RFX3: variants seen among roughly 807,000 people sequenced by gnomAD.
The protein encoded by RFX3 is regulatory factor X3.
Under a neutral mutation model 98.6 loss-of-function variants are expected in RFX3, and 14 were observed. The observed-to-expected ratio is 0.14, with a 90% confidence interval of 0.09 to 0.22. The LOEUF is 0.22. Ranked by LOEUF, RFX3 falls within the 10% of genes least tolerant of loss-of-function variation. The probability of loss-of-function intolerance (pLI) is 1.00; values close to 1 mark genes in which losing one functional copy is unlikely to be tolerated. For missense variants in RFX3, 639 were observed against 926.9 expected (o/e 0.69, Z 4.03); for synonymous variants, 383 against 328.4 (o/e 1.17, Z -1.80).
At chr9:3,489,518 C>G (rs1465345310) in intron 1 of RFX3, 1 of 525,154 alleles carries the variant, frequency 1.9e-6, no homozygotes, top group Non-Finnish European at 2.4e-6. Context: ...AGTATATTAA[C>G]CAATTACTCT....
At chr9:3,477,075 T>A in intron 1 of RFX3, among the ~76,000 whole-genome samples, 1 of 152,188 alleles carries the variant, frequency 6.6e-6, no homozygotes, top group Non-Finnish European at 1.5e-5. Flanking sequence ...TTCAGTATAA[T>A]TTTTGTTCTA....
chr9:3,502,783 G>C (rs577983225), intron 1 of RFX3, among the ~76,000 whole-genome samples: 220 of 152,194 alleles, frequency 1.4e-3, no homozygotes, highest in African/African-American at 5.2e-3. Flanking sequence ...GTGAATGTTA[G>C]CCCTGAGTCA....
chr9:3,262,945 G>C lies in RFX3; in HGVS notation c.1595C>G (p.Ala532Gly), dbSNP rs1823115572. 1 of 1,613,354 alleles carries C rather than the reference G, an allele frequency of 6.2e-7. No individual in the cohort carries two copies. Among genetic ancestry groups the C allele is most frequent in the Non-Finnish European group, 8.5e-7 (1 of 1,179,532 alleles). Residue 532 changes from alanine (A) to glycine (G), a missense_variant, in exon 13 of 17, where the codon GCC (alanine) becomes GGC (glycine). Physicochemically the swap from Ala to Gly is moderately conservative, Grantham distance 60. Coordinates refer to ENST00000617270, the MANE Select transcript of RFX3 (RefSeq NM_001282116.2). ...MLSDLNRVDF[A>G]NVQEQASWVC... ...AAGGAAATAGAATACCTGGACATTG[G>C]CAAAGTCGACACGGTTGAGGTCACT...
chr9:3,258,394 C>A (rs185658270), intron 13 of RFX3, among the ~76,000 whole-genome samples: 14 of 152,220 alleles, frequency 9.2e-5, no homozygotes, highest in African/African-American at 2.9e-4. Context: ...TCCATTATCT[C>A]CATCTTCTAG....
At chr9:3,329,317 A>T (rs1466340655) in intron 4 of RFX3, among the ~76,000 whole-genome samples, 1 of 149,698 alleles carries the variant, frequency 6.7e-6, no homozygotes, top group African/African-American at 2.5e-5. Flanking sequence ...CTGAGGCAGG[A>T]GAATCACTTG....
intron 12 of RFX3, 61 bp from the exon 13 acceptor site, chr9:3,263,145 T>A: frequency 6.4e-7 from 1 of 1,554,060 alleles, no homozygotes; most frequent in Non-Finnish European, 8.8e-7. Flanking sequence ...ACCACTGCAA[T>A]TTTCAAATCT....
intron 3 of RFX3, among the ~76,000 whole-genome samples, chr9:3,335,960 T>C (rs1833129100): frequency 6.6e-6 from 1 of 152,194 alleles, no homozygotes; most frequent in African/African-American, 2.4e-5. Flanking sequence ...TAACCAGTTT[T>C]TTTCTGTTTT....
intron 1 of RFX3, among the ~76,000 whole-genome samples, chr9:3,499,645 C>T (rs1278351375): frequency 6.6e-6 from 1 of 152,006 alleles, no homozygotes; most frequent in Non-Finnish European, 1.5e-5. Flanking sequence ...TAAGGGACAG[C>T]TTCTGATTCC....
chr9:3,307,206 C>G (rs1462045825), intron 4 of RFX3, among the ~76,000 whole-genome samples: 6 of 152,040 alleles, frequency 3.9e-5, no homozygotes, highest in Admixed American at 3.9e-4. Flanking sequence ...ATTGCCCAGT[C>G]TCGTGTATGT....
At chr9:3,330,204 G>T in intron 4 of RFX3, 55 bp downstream of exon 4, 14 of 1,567,946 alleles carry the variant, frequency 8.9e-6, no homozygotes, top group Non-Finnish European at 1.2e-5. Flanking sequence ...CAAAGGAAAT[G>T]TTCATTAGAG....
chr9:3,400,869 A>C (rs1175633564), intron 1 of RFX3, among the ~76,000 whole-genome samples: 1 of 152,216 alleles, frequency 6.6e-6, no homozygotes, highest in Non-Finnish European at 1.5e-5. Context: ...AAATGGATTA[A>C]ATAACTTGCC....
intron 1 of RFX3, among the ~76,000 whole-genome samples, chr9:3,507,701 G>A (rs978795945): frequency 6.6e-6 from 1 of 151,748 alleles, no homozygotes; most frequent in African/African-American, 2.4e-5. Context: ...ACATCCTCCC[G>A]TGTATACTTT....
At chr9:3,248,214 G>T in intron 14 of RFX3, 29 bp from the exon 15 acceptor site, 1 of 1,560,424 alleles carries the variant, frequency 6.4e-7, no homozygotes, top group Non-Finnish European at 8.7e-7. Context: ...CAAATATGCA[G>T]CTAACATTAG....
chr9:3,478,134 GGC>G, intron 1 of RFX3, among the ~76,000 whole-genome samples: 1 of 152,016 alleles, frequency 6.6e-6, no homozygotes, highest in South Asian at 2.1e-4. Context: ...CTAAAATCTA[GGC>G]TCCCACAGGG....
At chr9:3,522,556 C>T (rs201228548) in intron 1 of RFX3, among the ~76,000 whole-genome samples, 33 of 145,380 alleles carry the variant, frequency 2.3e-4, no homozygotes, top group Middle Eastern at 3.7e-3. Flanking sequence ...AGTGTGTGTG[C>T]GTGTGTGTGT....
chr9:3,381,739 G>T (rs1218524142), intron 2 of RFX3, among the ~76,000 whole-genome samples: 1 of 151,864 alleles, frequency 6.6e-6, no homozygotes, highest in East Asian at 1.9e-4. Context: ...GATCTAACAG[G>T]ATCCAAAGCT....
chr9:3,394,570 C>T (rs1840661523), intron 2 of RFX3, among the ~76,000 whole-genome samples: 1 of 152,226 alleles, frequency 6.6e-6, no homozygotes. Flanking sequence ...CAACCCAATT[C>T]TATATCCTGT....
chr9:3,271,778 C>G (rs2131351189), intron 9 of RFX3, among the ~76,000 whole-genome samples: 1 of 152,272 alleles, frequency 6.6e-6, no homozygotes, highest in Middle Eastern at 3.4e-3. Context: ...TTAGCTTTGT[C>G]TAAGGCAGCT....
intron 13 of RFX3, among the ~76,000 whole-genome samples, chr9:3,260,662 A>AT (rs1233871686): frequency 6.6e-6 from 1 of 151,602 alleles, no homozygotes; most frequent in African/African-American, 2.4e-5. Context: ...TACAGTATAG[A>AT]TTTTAAGGCA....
Sources: gnomAD v4.1 joint callset for allele counts (sites outside exome capture counted in the v4.1 genomes callset) on GRCh38, gnomAD v4.1.1 for gene constraint, MANE v1.5 for transcripts, NCBI Gene and HGNC (gene_info 2026-07-23, HGNC 2026-07-21) for gene names.